MYLK: variants seen among roughly 807,000 people sequenced by gnomAD.
MYLK encodes myosin light chain kinase, also known as myosin light chain kinase, smooth muscle.
MYLK carries 106 observed loss-of-function variants against 203.4 expected under a neutral mutation model. The ratio of observed to expected loss-of-function variants is 0.52; its 90% confidence interval spans 0.45 to 0.61. MYLK has a LOEUF of 0.61. Ranked by LOEUF, MYLK falls within the 20% of genes least tolerant of loss-of-function variation. The probability of loss-of-function intolerance (pLI) is 0.00; values close to 1 mark genes in which losing one functional copy is unlikely to be tolerated. For synonymous variants in MYLK, 867 were observed against 959.5 expected (o/e 0.90, Z 1.78); for missense variants, 2,072 against 2,442.3 (o/e 0.85, Z 3.20).
chr3:123,833,925 T>A (rs1463742461), intron 2 of MYLK, among the ~76,000 whole-genome samples: 1 of 152,172 alleles, frequency 6.6e-6, no homozygotes, highest in Non-Finnish European at 1.5e-5. Context: ...AAGGTCTCTC[T>A]CCAGAGAGAG....
At chr3:123,698,226 T>G (rs2061013811) in intron 18 of MYLK, among the ~76,000 whole-genome samples, 1 of 152,112 alleles carries the variant, frequency 6.6e-6, no homozygotes, top group Non-Finnish European at 1.5e-5. Flanking sequence ...CTGAAGCCCA[T>G]GGGCAGCGCC....
chr3:123,680,019 G>A (rs538971005), intron 20 of MYLK, among the ~76,000 whole-genome samples: 15 of 152,264 alleles, frequency 9.9e-5, no homozygotes, highest in African/African-American at 3.6e-4. Context: ...CTGAGGCCTG[G>A]CACCCACCCC....
In MYLK at chr3:123,620,352, G is replaced by C; in HGVS notation, c.5239-16C>G. On this transcript the variant is annotated splice_polypyrimidine_tract_variant and intron_variant, in intron 31 of 33. Coordinates refer to ENST00000360304, the MANE Select transcript of MYLK (RefSeq NM_053025.4). The stretch of plus-strand genomic sequence containing the variant: ...TGCCCGTTTTCTGGAAAATAGACAC[G>C]AGGGTTGGACTCAGGCGTTGTCCCT... 1 of 1,613,992 alleles carries C rather than the reference G, an allele frequency of 6.2e-7. No homozygotes were observed. The highest frequency in any genetic ancestry group is 8.5e-7 in the Non-Finnish European group (1 of 1,179,956).
At chr3:123,707,264 C>A (rs3180218) in intron 16 of MYLK, among the ~76,000 whole-genome samples, 2 of 152,228 alleles carry the variant, frequency 1.3e-5, no homozygotes, top group African/African-American at 4.8e-5. Flanking sequence ...AGCAGATCCT[C>A]CAGTGTCCGT....
intron 10 of MYLK, among the ~76,000 whole-genome samples, 188 bp from the exon 11 acceptor site, chr3:123,733,290 G>C (rs2062552512): frequency 6.6e-6 from 1 of 152,130 alleles, no homozygotes; most frequent in African/African-American, 2.4e-5. Flanking sequence ...AGAGAGTCAG[G>C]GGCCTTGAGG....
At chr3:123,757,669 C>A (rs1252985838) in intron 4 of MYLK, among the ~76,000 whole-genome samples, 1 of 152,110 alleles carries the variant, frequency 6.6e-6, no homozygotes, top group Non-Finnish European at 1.5e-5. Flanking sequence ...GAACAACAGA[C>A]CCGAGGGGTT....
intron 33 of MYLK, among the ~76,000 whole-genome samples, chr3:123,616,092 T>G (rs1384121120): frequency 6.6e-6 from 1 of 152,206 alleles, no homozygotes; most frequent in African/African-American, 2.4e-5. Context: ...TAAAAATAAT[T>G]GAATTGTGCA....
Position 123,612,601 on chromosome 3 carries a change from A to T in MYLK, c.*1504T>A, listed in dbSNP as rs1265976851. On this transcript the variant is annotated 3_prime_UTR_variant, in exon 34 of 34. Coordinates refer to ENST00000360304, the MANE Select transcript of MYLK (RefSeq NM_053025.4). ...TGTGGCTATCATGAAAAATATTGTA[A>T]CTATTTTAAAAGCAAAAGGAAAAAT... is the stretch of plus-strand genomic sequence containing the variant. 1 of 152,572 alleles carries T rather than the reference A, an allele frequency of 6.6e-6. No individual in the cohort carries two copies. Among genetic ancestry groups the T allele is most frequent in the Non-Finnish European group, 1.5e-5 (1 of 68,038 alleles). 9.5% of individuals were successfully genotyped at this position (152,572 alleles called of 1,614,324 possible). A position where few individuals can be genotyped will look rare whatever the true frequency, so the allele number is the denominator to read the frequency against.
chr3:123,801,509 G>A (rs533272587), intron 3 of MYLK, among the ~76,000 whole-genome samples: 110 of 152,326 alleles, frequency 7.2e-4, no homozygotes, highest in Non-Finnish European at 1.1e-3. Flanking sequence ...CTTGGGGTAT[G>A]ATTAAACCCA....
At chr3:123,625,794 G>T (rs369455256) in intron 31 of MYLK, among the ~76,000 whole-genome samples, 1 of 141,090 alleles carries the variant, frequency 7.1e-6, no homozygotes, top group Non-Finnish European at 1.5e-5. Context: ...GCAACAGAGC[G>T]AGACTCCATC....
intron 4 of MYLK, among the ~76,000 whole-genome samples, chr3:123,759,329 G>T (rs756729473): frequency 6.6e-6 from 1 of 152,152 alleles, no homozygotes; most frequent in Non-Finnish European, 1.5e-5. Context: ...GGGTCTCCAC[G>T]GATACTGTGT....
chr3:123,804,031 C>T (rs2065286302), intron 3 of MYLK, among the ~76,000 whole-genome samples: 1 of 152,220 alleles, frequency 6.6e-6, no homozygotes, highest in African/African-American at 2.4e-5. Flanking sequence ...AGACTAAGTA[C>T]TTAAGGTGAC....
chr3:123,708,159 C>G (rs1400669488), intron 15 of MYLK, among the ~76,000 whole-genome samples, 156 bp from the exon 16 acceptor site: 2 of 152,172 alleles, frequency 1.3e-5, no homozygotes, highest in African/African-American at 4.8e-5. Flanking sequence ...ATGCAGCACA[C>G]CCTTCTCATT....
At position 123,808,481 on chromosome 3, in the gene MYLK, G is replaced by A. The variant is rs569059670; in HGVS notation, c.-3-14637C>T. On this transcript the variant is annotated intron_variant, in intron 3 of 33. Transcript: ENST00000360304. Reference sequence around the variant, plus strand: ...TTTTATATTACAACCAAAAAATTCAGATCATTGTATAGGATACCAACTGTA... The same window carrying A: ...TTTTATATTACAACCAAAAAATTCAAATCATTGTATAGGATACCAACTGTA... Among the ~76,000 whole-genome samples, 21 of 152,270 alleles carry A rather than the reference G, an allele frequency of 1.4e-4. No homozygotes were observed. The South Asian group carries it at 4.4e-3, about 32-fold the overall frequency.
chr3:123,613,851 C>G lies in MYLK; in HGVS notation c.*254G>C. 2.0e-6 allele frequency: 1 copy of G among 509,350 alleles called. No individual in the cohort carries two copies. The highest frequency in any genetic ancestry group is 3.5e-6 in the Non-Finnish European group (1 of 282,012). The allele number at this position is 509,350 out of a possible 1,614,324, so 31.6% of individuals were successfully genotyped here. ...TTCTCTCTAAAATCAATTGGTCAGT[C>G]AAGTTACTGGTGATTTCCCTAAATG... On this transcript the variant is annotated 3_prime_UTR_variant, in exon 34 of 34. Transcript: ENST00000360304.
At chr3:123,802,158 T>G (rs984194170) in intron 3 of MYLK, among the ~76,000 whole-genome samples, 4 of 152,268 alleles carry the variant, frequency 2.6e-5, no homozygotes, top group Non-Finnish European at 5.9e-5. Context: ...ATGATAGTTC[T>G]GATTTGCATC....
At chr3:123,707,272 C>A (rs255186) in intron 16 of MYLK, among the ~76,000 whole-genome samples, 144,346 of 152,320 alleles carry the variant, frequency 0.95, 69,078 homozygotes, top group Middle Eastern at 0.99. Context: ...CTCCAGTGTC[C>A]GTCAGGCCTT....
intron 29 of MYLK, among the ~76,000 whole-genome samples, chr3:123,632,363 G>A (rs2058470401): frequency 6.6e-6 from 1 of 152,118 alleles, no homozygotes; most frequent in Non-Finnish European, 1.5e-5. Context: ...GGGGAAGTCC[G>A]GCAGTACTCC....
At chr3:123,766,610 C>G (rs990622974) in intron 4 of MYLK, among the ~76,000 whole-genome samples, 3 of 152,266 alleles carry the variant, frequency 2.0e-5, no homozygotes, top group African/African-American at 7.2e-5. Context: ...GAGATAGCTC[C>G]CAACAGCCCT....
Sources: gnomAD v4.1 joint callset for allele counts (sites outside exome capture counted in the v4.1 genomes callset) on GRCh38, gnomAD v4.1.1 for gene constraint, MANE v1.5 for transcripts, NCBI Gene and HGNC (gene_info 2026-07-23, HGNC 2026-07-21) for gene names.